The following TTC19 variants were observed in gnomAD, a reference collection of about 807,000 sequenced individuals.
The protein encoded by TTC19 is tetratricopeptide repeat protein 19, mitochondrial.
Under a neutral mutation model 49.5 loss-of-function variants are expected in TTC19, and 38 were observed. That is an observed-to-expected ratio of 0.77 (90% confidence interval 0.59 to 1.01). TTC19 has a LOEUF of 1.01. Ranked by LOEUF, TTC19 falls within the 50% of genes least tolerant of loss-of-function variation. The probability of loss-of-function intolerance (pLI) is 0.00; values close to 1 mark genes in which losing one functional copy is unlikely to be tolerated. For missense variants in TTC19, 475 were observed against 477.7 expected (o/e 0.99, Z 0.05); for synonymous variants, 204 against 185.2 (o/e 1.10, Z -0.83).
downstream of TTC19, chr17:16,030,049 T>C (rs1421542672): frequency 1.7e-5 from 3 of 175,118 alleles, no homozygotes; most frequent in Non-Finnish European, 2.5e-5. Context: ...ACTTAACTAC[T>C]CATGGCCTAC....
chr17:16,028,028 A>C lies in TTC19; in HGVS notation c.*506A>C, dbSNP rs1319050702. 1 of 454,130 alleles carries C rather than the reference A, an allele frequency of 2.2e-6. No homozygotes were observed. 28.1% of individuals were successfully genotyped at this position (454,130 alleles called of 1,614,324 possible). On this transcript the variant is annotated 3_prime_UTR_variant, in exon 10 of 10. Transcript: ENST00000261647. ...TTTCATGAAGCACAAGTGGAATTTA[A>C]TACATAAAAGAGAAAAATATCTTAG... is the stretch of plus-strand genomic sequence containing the variant.
chr17:16,034,933 T>G (rs1420928188), intron 2 of TTC19: 7 of 1,613,584 alleles, frequency 4.3e-6, no homozygotes, highest in Non-Finnish European at 5.9e-6. Flanking sequence ...AGCTTTGGTT[T>G]GCAAACTCCT....
chr17:16,011,263 C>T (rs1971060503), intron 7 of TTC19, among the ~76,000 whole-genome samples: 1 of 152,218 alleles, frequency 6.6e-6, no homozygotes, highest in African/African-American at 2.4e-5. Context: ...TCACAGCAAG[C>T]TCCACCTCCT....
At chr17:16,043,810 TGAG>T (rs1174939847) in intron 2 of TTC19, among the ~76,000 whole-genome samples, 6 of 152,140 alleles carry the variant, frequency 3.9e-5, no homozygotes, top group Non-Finnish European at 2.9e-5. Flanking sequence ...TGGTGACACT[TGAG>T]GAGCTGTAAA....
downstream of TTC19, chr17:16,032,530 A>G: frequency 6.7e-7 from 1 of 1,502,966 alleles, no homozygotes; most frequent in African/African-American, 1.4e-5. Flanking sequence ...CATAACTGGT[A>G]TTTCATCCAA....
At chr17:16,026,837 A>G in intron 9 of TTC19, 135 bp downstream of exon 9, 2 of 926,086 alleles carry the variant, frequency 2.2e-6, no homozygotes, top group Non-Finnish European at 3.4e-6. Flanking sequence ...GTTGAATGGC[A>G]GAAAAAGGAG....
chr17:16,010,385 G>A (rs1322154114), intron 7 of TTC19, among the ~76,000 whole-genome samples: 2 of 151,362 alleles, frequency 1.3e-5, no homozygotes, highest in African/African-American at 4.9e-5. Flanking sequence ...TGTTAGCCAG[G>A]ATGGTCTCAA....
chr17:16,026,945 A>G (rs1239224015), intron 9 of TTC19: 1 of 589,082 alleles, frequency 1.7e-6, no homozygotes, highest in Admixed American at 2.7e-5. Flanking sequence ...AAAACCTTGC[A>G]ATGATAGTAC....
chr17:16,044,458 G>A (rs1439561856), intron 2 of TTC19: 1 of 472,474 alleles, frequency 2.1e-6, no homozygotes, highest in Non-Finnish European at 4.4e-6. Flanking sequence ...CAGGAGACTA[G>A]TAGATGGTAG....
At chr17:16,031,582 A>C (rs1278233395), downstream of TTC19, 1 of 221,646 alleles carries the variant, frequency 4.5e-6, no homozygotes, top group Non-Finnish European at 9.0e-6. Context: ...ATGCAGTAAT[A>C]TTTTTTCAGT....
At chr17:16,010,966 TAC>T (rs1971052176) in intron 7 of TTC19, among the ~76,000 whole-genome samples, 1 of 152,252 alleles carries the variant, frequency 6.6e-6, no homozygotes, top group African/African-American at 2.4e-5. Context: ...GTAACATGAT[TAC>T]ACAGTTACAT....
chr17:16,020,929 C>T (rs1293282684), intron 7 of TTC19, among the ~76,000 whole-genome samples: 1 of 152,102 alleles, frequency 6.6e-6, no homozygotes, highest in Non-Finnish European at 1.5e-5. Context: ...CTGAAGTGGT[C>T]CTCCTGCCTC....
chr17:16,010,693 C>T (rs1052897257), intron 7 of TTC19, among the ~76,000 whole-genome samples: 7 of 152,008 alleles, frequency 4.6e-5, no homozygotes, highest in Admixed American at 2.0e-4. Context: ...AGGATGGTCT[C>T]GATCTCCTGA....
intron 2 of TTC19, among the ~76,000 whole-genome samples, chr17:16,037,265 C>A (rs1036382796): frequency 6.6e-6 from 1 of 152,086 alleles, no homozygotes; most frequent in African/African-American, 2.4e-5. Flanking sequence ...GGTCACTGAT[C>A]ACCATCACAG....
chr17:16,000,356 T>C, intron 2 of TTC19, 111 bp downstream of exon 2: 12 of 1,528,468 alleles, frequency 7.9e-6, no homozygotes, highest in Non-Finnish European at 1.1e-5. Context: ...GGATGGAGGC[T>C]CCGCGGGTAA....
chr17:16,003,924 C>T (rs1970817339), intron 5 of TTC19, 37 bp downstream of exon 5: 1 of 1,605,882 alleles, frequency 6.2e-7, no homozygotes, highest in Non-Finnish European at 8.5e-7. Flanking sequence ...CTCACTGAAG[C>T]AGTTTTCAAA....
Position 16,002,119 on chromosome 17 carries a change from G to A in TTC19, c.423+94G>A, listed in dbSNP as rs559561079. The A allele has an allele frequency of 2.2e-5, 19 of 872,694 alleles. No homozygotes were observed. The African/African-American group carries it at 2.6e-4, about 12-fold the overall frequency. The allele number at this position is 872,694 out of a possible 1,614,324, so 54.1% of individuals were successfully genotyped here. ...TCTGATTTATATTCCTGACTTTCAC[G>A]ATGTTCTAAAACTCCTTTTCTTTTT... On this transcript the variant is annotated intron_variant, in intron 3 of 9. Transcript: ENST00000261647.
chr17:16,002,244 T>G (rs888189459), intron 3 of TTC19, among the ~76,000 whole-genome samples: 1 of 152,218 alleles, frequency 6.6e-6, no homozygotes, highest in Non-Finnish European at 1.5e-5. Flanking sequence ...AGTGGCACAA[T>G]CTTGGCTCAC....
chr17:16,041,585 T>A (rs2057660130), intron 2 of TTC19, among the ~76,000 whole-genome samples: 1 of 151,398 alleles, frequency 6.6e-6, no homozygotes, highest in African/African-American at 2.4e-5. Flanking sequence ...CAGCTAATTT[T>A]TGTATTTTTA....
Sources: gnomAD v4.1 joint callset for allele counts (sites outside exome capture counted in the v4.1 genomes callset) on GRCh38, gnomAD v4.1.1 for gene constraint, MANE v1.5 for transcripts, NCBI Gene and HGNC (gene_info 2026-07-23, HGNC 2026-07-21) for gene names.